Variants in NRG3 observed in about 807,000 individuals in gnomAD.
NRG3 encodes the protein neuregulin 3, also known as pro-neuregulin-3, membrane-bound isoform.
Under a neutral mutation model 66.9 loss-of-function variants are expected in NRG3, and 31 were observed. That is an observed-to-expected ratio of 0.46 (90% CI 0.35 to 0.63). NRG3 has a LOEUF of 0.63. NRG3 is among the 20% of genes least tolerant of loss of function. NRG3 has a pLI of 0.00. For synonymous variants in NRG3, 393 were observed against 359.4 expected (o/e 1.09, Z -1.06); for missense variants, 910 against 878.9 (o/e 1.04, Z -0.45).
At chr10:82,372,000 G>A (rs759751199) in intron 2 of NRG3, among the ~76,000 whole-genome samples, 4 of 152,136 alleles carry the variant, frequency 2.6e-5, no homozygotes, top group Admixed American at 1.3e-4. Context: ...GAGAGTATGT[G>A]GGGACAAACA....
At chr10:82,957,176 G>A (rs915453531) in intron 5 of NRG3, among the ~76,000 whole-genome samples, 1 of 151,912 alleles carries the variant, frequency 6.6e-6, no homozygotes, top group Non-Finnish European at 1.5e-5. Context: ...TTTTGCGTGT[G>A]CCTCCACATG....
At chr10:81,997,486 C>T (rs1395171340) in intron 1 of NRG3, among the ~76,000 whole-genome samples, 1 of 152,120 alleles carries the variant, frequency 6.6e-6, no homozygotes, top group East Asian at 1.9e-4. Flanking sequence ...CTGATGGAAG[C>T]CTTTACCTTC....
intron 1 of NRG3, among the ~76,000 whole-genome samples, chr10:82,120,725 C>G (rs1342915238): frequency 6.6e-6 from 1 of 152,092 alleles, no homozygotes; most frequent in African/African-American, 2.4e-5. Context: ...AAGATTCTAT[C>G]TAGTCATACA....
chr10:82,864,814 G>A (rs920037936), intron 3 of NRG3, among the ~76,000 whole-genome samples: 1 of 152,112 alleles, frequency 6.6e-6, no homozygotes, highest in African/African-American at 2.4e-5. Context: ...AACCAAATTG[G>A]TGCCCTGGAA....
chr10:82,892,444 G>A (rs868504031), intron 4 of NRG3, among the ~76,000 whole-genome samples: 8 of 152,028 alleles, frequency 5.3e-5, no homozygotes, highest in African/African-American at 7.2e-5. Flanking sequence ...TGGGAGGATC[G>A]CTTGAAGCCC....
chr10:82,864,755 G>T (rs775056331), intron 3 of NRG3, among the ~76,000 whole-genome samples: 5 of 152,136 alleles, frequency 3.3e-5, no homozygotes, highest in Non-Finnish European at 7.4e-5. Context: ...TTTGTGTTTG[G>T]TAGGATGGGC....
chr10:82,479,749 C>T (rs1446750400), intron 2 of NRG3, among the ~76,000 whole-genome samples: 2 of 150,886 alleles, frequency 1.3e-5, no homozygotes, highest in Non-Finnish European at 1.5e-5. Flanking sequence ...GGGCGGATCA[C>T]GAGGTCAGGA....
At chr10:82,725,561 G>C (rs1233049458) in intron 2 of NRG3, among the ~76,000 whole-genome samples, 1 of 152,068 alleles carries the variant, frequency 6.6e-6, no homozygotes, top group Non-Finnish European at 1.5e-5. Context: ...TTAAACTTTA[G>C]GTGTTTCTGT....
intron 2 of NRG3, among the ~76,000 whole-genome samples, chr10:82,703,497 A>G (rs2056055739): frequency 6.6e-6 from 1 of 152,164 alleles, no homozygotes; most frequent in Non-Finnish European, 1.5e-5. Context: ...ATAACATGTC[A>G]GCACTAATGA....
At chr10:82,470,956 G>C (rs113431685) in intron 2 of NRG3, among the ~76,000 whole-genome samples, 1 of 152,026 alleles carries the variant, frequency 6.6e-6, no homozygotes, top group Admixed American at 6.5e-5. Flanking sequence ...GTTCTCCCAG[G>C]GGCCTGGTTC....
At chr10:82,728,056 C>T (rs1405580835) in intron 2 of NRG3, among the ~76,000 whole-genome samples, 2 of 152,180 alleles carry the variant, frequency 1.3e-5, no homozygotes, top group African/African-American at 4.8e-5. Context: ...CCTGTGCCCC[C>T]AGTGTATCTA....
chr10:82,869,638 C>A (rs944836665), intron 4 of NRG3, among the ~76,000 whole-genome samples: 1 of 105,612 alleles, frequency 9.5e-6, no homozygotes, highest in African/African-American at 4.1e-5. Context: ...GACAGAGTTT[C>A]GCTCTGTCAC....
intron 1 of NRG3, among the ~76,000 whole-genome samples, chr10:82,254,300 A>G (rs1281079579): frequency 6.6e-6 from 1 of 152,170 alleles, no homozygotes; most frequent in East Asian, 1.9e-4. Flanking sequence ...AACGTAAACT[A>G]GATTTGATAC....
At chr10:82,631,584 C>T (rs117706319) in intron 2 of NRG3, among the ~76,000 whole-genome samples, 2,278 of 147,170 alleles carry the variant, frequency 0.015, 21 homozygotes, top group South Asian at 0.052. Context: ...TGCCTTCAGC[C>T]GTGGTTTTTT....
chr10:82,796,265 T>C (rs1276088321), intron 3 of NRG3, among the ~76,000 whole-genome samples: 3 of 152,218 alleles, frequency 2.0e-5, no homozygotes, highest in African/African-American at 7.2e-5. Context: ...AGAGAGTATA[T>C]TGCAAAATCT....
chr10:82,683,438 G>A (rs965153236), intron 2 of NRG3, among the ~76,000 whole-genome samples: 1 of 151,942 alleles, frequency 6.6e-6, no homozygotes, highest in African/African-American at 2.4e-5. Context: ...TGGGTAACTT[G>A]CCTACTGTAA....
intron 1 of NRG3, among the ~76,000 whole-genome samples, chr10:81,969,299 C>CA (rs538536847): frequency 5.9e-5 from 9 of 151,838 alleles, no homozygotes; most frequent in Non-Finnish European, 7.4e-5. Context: ...GGAACAAAAA[C>CA]AAAAAAACAA....
At chr10:81,974,176 A>T (rs1156851774) in intron 1 of NRG3, among the ~76,000 whole-genome samples, 1 of 152,106 alleles carries the variant, frequency 6.6e-6, no homozygotes, top group African/African-American at 2.4e-5. Context: ...TCCTTTCCCC[A>T]TTGCTTGTTT....
At chr10:82,345,654 C>A (rs1170738202) in intron 1 of NRG3, among the ~76,000 whole-genome samples, 2 of 151,494 alleles carry the variant, frequency 1.3e-5, no homozygotes, top group African/African-American at 4.9e-5. Flanking sequence ...TTACCTTGGG[C>A]AGTATGGCCA....
Sources: gnomAD v4.1 joint callset for allele counts (sites outside exome capture counted in the v4.1 genomes callset) on GRCh38, gnomAD v4.1.1 for gene constraint, MANE v1.5 for transcripts, NCBI Gene and HGNC (gene_info 2026-07-23, HGNC 2026-07-21) for gene names.